The following MEIS3 variants were observed in gnomAD, a reference collection of about 807,000 sequenced individuals.
The protein encoded by MEIS3 is homeobox protein Meis3.
A neutral mutation model predicts 51.4 loss-of-function variants in MEIS3; 38 were observed. The observed-to-expected ratio is 0.74, with a 90% CI of 0.57 to 0.97. The LOEUF is 0.97. Ranked by LOEUF, MEIS3 falls within the 50% of genes least tolerant of loss-of-function variation. MEIS3 has a pLI of 0.00. For synonymous variants in MEIS3, 198 were observed against 201.8 expected (o/e 0.98, Z 0.16); for missense variants, 456 against 502.6 (o/e 0.91, Z 0.89).
chr19:47,407,020 C>T (rs1313933956), intron 10 of MEIS3, 49 bp from the exon 11 acceptor site: 4 of 1,581,530 alleles, frequency 2.5e-6, no homozygotes, highest in East Asian at 2.3e-5. Context: ...AAGCCCGGGA[C>T]CCGGCTTTGA....
chr19:47,409,319 C>G, intron 7 of MEIS3, 72 bp from the exon 8 acceptor site: 1 of 1,581,738 alleles, frequency 6.3e-7, no homozygotes, highest in Non-Finnish European at 8.6e-7. Context: ...AGAACTCTCC[C>G]CCAAGACAAC....
At chr19:47,415,182 G>A (rs1971350521) in intron 4 of MEIS3, 81 bp from the exon 5 acceptor site, 1 of 820,820 alleles carries the variant, frequency 1.2e-6, no homozygotes. Flanking sequence ...AGGAAGAGAA[G>A]GAGGAAGAGG....
At chr19:47,406,614 G>A (rs1970830933) in intron 11 of MEIS3, 88 bp from the exon 12 acceptor site, 12 of 1,297,892 alleles carry the variant, frequency 9.2e-6, no homozygotes, top group Non-Finnish European at 1.2e-5. Flanking sequence ...TCCTACACCA[G>A]GGGATCCCTC....
Position 47,409,438 on chromosome 19 carries a change from T to G in MEIS3, c.707A>C (p.Gln236Pro). Reference sequence around the variant, plus strand: ...CTTCCACCTCCCAAGATTCTCACCTTGGTCACTGGAGTTGTCCCCACTCTG... The same window carrying G: ...CTTCCACCTCCCAAGATTCTCACCTGGGTCACTGGAGTTGTCCCCACTCTG... ...ASQSGDNSSD[Q>P]GDGLDTSVAS... The change falls in exon 7 of 13, where the codon CAA (glutamine) becomes CCA (proline). Residue 236 changes from glutamine (Q) to proline (P), a missense_variant and splice_region_variant. By Grantham distance (76) the Gln-to-Pro change is moderately conservative. Coordinates refer to ENST00000558555, the MANE Select transcript of MEIS3 (RefSeq NM_001301059.2). 1 of 1,612,984 alleles carries G rather than the reference T, an allele frequency of 6.2e-7. No homozygotes were observed. The highest frequency in any genetic ancestry group is 8.5e-7 in the Non-Finnish European group (1 of 1,178,968).
Position 47,419,059 on chromosome 19 carries a change from C to T in MEIS3, c.12+11G>A. Reference sequence around the variant, plus strand: ...GCGGCCGGGACGCGGGGTCCCCGCCCCGAGACCTACCCTCCGGGCCATGGG... The same window carrying T: ...GCGGCCGGGACGCGGGGTCCCCGCCTCGAGACCTACCCTCCGGGCCATGGG... On this transcript the variant is annotated intron_variant, in intron 1 of 12. Transcript: ENST00000558555. The T allele has an allele frequency of 7.2e-6, 9 of 1,247,594 alleles. No homozygotes were observed. Among genetic ancestry groups the T allele is most frequent in the Non-Finnish European group, 9.0e-6 (9 of 997,090 alleles). 77.3% of individuals were successfully genotyped at this position (1,247,594 alleles called of 1,614,324 possible). A position where few individuals can be genotyped will look rare whatever the true frequency, so the allele number is the denominator to read the frequency against.
intron 6 of MEIS3, among the ~76,000 whole-genome samples, chr19:47,410,449 T>C (rs577088427): frequency 8.0e-6 from 1 of 125,484 alleles, no homozygotes; most frequent in South Asian, 2.4e-4. Flanking sequence ...TGAGACTACG[T>C]CTCAAAAAAA....
intron 8 of MEIS3, chr19:47,407,672 A>C: frequency 1.1e-6 from 1 of 886,806 alleles, no homozygotes; most frequent in Non-Finnish European, 1.6e-6. Context: ...GCCAGCTCTG[A>C]TTAGAGAGAC....
In MEIS3 at chr19:47,417,286, T is replaced by C. The variant is rs1208567790; in HGVS notation, c.77A>G (p.Glu26Gly). The change falls in exon 2 of 13, where the codon GAG (glutamate) becomes GGG (glycine). Residue 26 changes from glutamate (E) to glycine (G), a missense_variant. By Grantham distance (98) the Glu-to-Gly change is moderately conservative (BLOSUM62 -2). Transcript: ENST00000558555. The stretch of plus-strand genomic sequence containing the variant: ...GGGCCCTGGTACTGCGGGCACTGTC[T>C]CTGGGAAGCTAGCCAGGGCTGCGGG... ...DGPAALASFP[E>G]TVPAVPGPYG... is the part of the protein sequence containing the mutation. 6.2e-7 allele frequency: 1 copy of C among 1,613,506 alleles called. No homozygotes were observed. The highest frequency in any genetic ancestry group is 2.2e-5 in the East Asian group (1 of 44,872).
At chr19:47,406,300 C>T (rs755730219) in intron 12 of MEIS3, 160 bp downstream of exon 12, 8 of 549,652 alleles carry the variant, frequency 1.5e-5, no homozygotes, top group East Asian at 3.0e-5. Context: ...GATGGATGGA[C>T]GGACGGACAG....
upstream of MEIS3, among the ~76,000 whole-genome samples, chr19:47,421,456 G>GA (rs1568434676): frequency 2.0e-5 from 3 of 152,128 alleles, no homozygotes; most frequent in Non-Finnish European, 4.4e-5. Context: ...GGAGCAGACC[G>GA]AATGAACGAG....
At chr19:47,406,614 G>T in intron 11 of MEIS3, 88 bp from the exon 12 acceptor site, 1 of 1,297,886 alleles carries the variant, frequency 7.7e-7, no homozygotes, top group Non-Finnish European at 1.1e-6. Context: ...TCCTACACCA[G>T]GGGATCCCTC....
intron 9 of MEIS3, 98 bp from the exon 10 acceptor site, chr19:47,407,235 G>A: frequency 6.7e-7 from 1 of 1,482,848 alleles, no homozygotes; most frequent in South Asian, 1.3e-5. Context: ...GGCGGGGGAG[G>A]CAGAGCGGGG....
chr19:47,404,478 C>T lies in MEIS3; in HGVS notation c.*18-925G>A, dbSNP rs967547339. Among the ~76,000 whole-genome samples, 21 of 152,238 alleles carry T rather than the reference C, an allele frequency of 1.4e-4. No homozygotes were observed. The East Asian group carries it at 3.5e-3, about 25-fold the overall frequency. On this transcript the variant is annotated intron_variant, in intron 12 of 12. Coordinates refer to ENST00000558555, the MANE Select transcript of MEIS3 (RefSeq NM_001301059.2). Reference sequence around the variant, plus strand: ...TGAATTCATTAGCCACCTGTCCGGCCGCCTGCCTCAACCCAGTCCAAAGAG... The same window carrying T: ...TGAATTCATTAGCCACCTGTCCGGCTGCCTGCCTCAACCCAGTCCAAAGAG...
At position 47,403,672 on chromosome 19, in the gene MEIS3, C is replaced by A. The variant is rs971440813; in HGVS notation, c.*18-119G>T. 3.8e-4 allele frequency: 124 copies of A among 328,508 alleles called. 2 individuals carry two copies. The highest frequency in any genetic ancestry group is 2.6e-3 in the South Asian group (116 of 44,660). The allele number at this position is 328,508 out of a possible 1,614,324, so 20.3% of individuals were successfully genotyped here. A position where few individuals can be genotyped will look rare whatever the true frequency, so the allele number is the denominator to read the frequency against. On this transcript the variant is annotated intron_variant, in intron 12 of 12. Transcript: ENST00000558555. ...AGGGGGACACAGAGAGAGTGGCTGG[C>A]GGGGAATGGCACAGGGATGTGGGAG... is the stretch of plus-strand genomic sequence containing the variant.
intron 6 of MEIS3, among the ~76,000 whole-genome samples, chr19:47,411,311 C>G (rs1189938478): frequency 1.3e-5 from 2 of 152,150 alleles, no homozygotes; most frequent in Non-Finnish European, 2.9e-5. Flanking sequence ...GTCTGGGGCA[C>G]AACCTCGTCA....
At chr19:47,416,511 C>T in intron 4 of MEIS3, 141 bp downstream of exon 4, 2 of 704,616 alleles carry the variant, frequency 2.8e-6, no homozygotes, top group South Asian at 2.1e-5. Flanking sequence ...TACCACACGG[C>T]ACGTGGGCAA....
intron 7 of MEIS3, 46 bp downstream of exon 7, chr19:47,409,390 C>T (rs1971011200): frequency 6.3e-7 from 1 of 1,578,408 alleles, no homozygotes; most frequent in South Asian, 1.1e-5. Context: ...AACTTCAATC[C>T]TCTGGTTGAC....
Position 47,414,811 on chromosome 19 carries a change from T to C in MEIS3, c.503A>G (p.Lys168Arg), listed in dbSNP as rs751587793. 4 of 1,613,452 alleles carry C rather than the reference T, an allele frequency of 2.5e-6. No homozygotes were observed. In the East Asian group the frequency reaches 8.9e-5, roughly 36 times the overall value. The stretch of plus-strand genomic sequence containing the variant: ...CTCGATGACCAGGTCGATGGGCATC[T>C]TTCCCTTGAGGCAGGTGATGTAGCG... ...CHRYITCLKG[K>R]MPIDLVIEDR... The change falls in exon 6 of 13, where the codon AAG becomes AGG. Residue 168 changes from lysine (K) to arginine (R), a missense_variant. Transcript: ENST00000558555.
chr19:47,418,062 T>C (rs1368602682), intron 1 of MEIS3: 2 of 256,834 alleles, frequency 7.8e-6, no homozygotes, highest in African/African-American at 2.2e-5. Flanking sequence ...TGAGCACTTG[T>C]TGCCGGAGAG....
Sources: allele counts gnomAD v4.1 joint callset (sites outside exome capture counted in the v4.1 genomes callset), GRCh38; gene constraint gnomAD v4.1.1; transcripts MANE v1.5; gene names NCBI Gene and HGNC (gene_info 2026-07-23, HGNC 2026-07-21).